SLC52A1: variants seen among roughly 807,000 people sequenced by gnomAD.
SLC52A1 encodes the protein solute carrier family 52, riboflavin transporter, member 1.
A neutral mutation model predicts 23.2 loss-of-function variants in SLC52A1; 20 were observed. The ratio of observed to expected loss-of-function variants is 0.86; its 90% CI spans 0.61 to 1.25. The LOEUF is 1.25. Among genes scored for constraint, SLC52A1 ranks in the 50% most tolerant of loss-of-function variants. SLC52A1 has a pLI of 0.00. For synonymous variants in SLC52A1, 260 were observed against 256.6 expected, an observed-to-expected ratio of 1.01 and a Z score of -0.13; for missense variants, 528 against 557.0, an observed-to-expected ratio of 0.95 and a Z score of 0.52.
chr17:5,036,157 G>T (rs1975451788), upstream of SLC52A1, among the ~76,000 whole-genome samples: 1 of 139,710 alleles, frequency 7.2e-6, no homozygotes, highest in Non-Finnish European at 1.5e-5. Context: ...TCAGCCTCCC[G>T]AGTAGCTGGA....
upstream of SLC52A1, among the ~76,000 whole-genome samples, chr17:5,038,830 C>T (rs1975509255): frequency 6.6e-6 from 1 of 152,078 alleles, no homozygotes; most frequent in Non-Finnish European, 1.5e-5. Flanking sequence ...CCTCGTGATC[C>T]GCCCACCTCG....
At chr17:5,038,901 T>G (rs2143452964), upstream of SLC52A1, among the ~76,000 whole-genome samples, 1 of 152,308 alleles carries the variant, frequency 6.6e-6, no homozygotes, top group South Asian at 2.1e-4. Context: ...CCAACACTTT[T>G]CTTGTTATAT....
At chr17:5,041,471 T>C (rs1364630971) in intron 1 of SLC52A1, among the ~76,000 whole-genome samples, 1 of 150,532 alleles carries the variant, frequency 6.6e-6, no homozygotes, top group Non-Finnish European at 1.5e-5. Flanking sequence ...TTCTTTGTTT[T>C]GTTTTATTTT....
Position 5,033,432 on chromosome 17 carries a change from AC to A in SLC52A1, c.1010+46del, listed in dbSNP as rs1210018407. 5 of 1,611,398 alleles carry A rather than the reference AC, an allele frequency of 3.1e-6. No homozygotes were observed. In the South Asian group the frequency reaches 3.3e-5, roughly 11 times the overall value. On this transcript the variant is annotated intron_variant, in intron 3 of 4. Coordinates refer to ENST00000254853, the MANE Select transcript of SLC52A1 (RefSeq NM_017986.4). ...CAGGGCTGGCTGTTCTGGGACCTGGACCCCAACCTTAAGTTCCACCCACCAA... is the reference window on the plus strand; with the variant it reads ...CAGGGCTGGCTGTTCTGGGACCTGGACCCAACCTTAAGTTCCACCCACCAA...
upstream of SLC52A1, among the ~76,000 whole-genome samples, chr17:5,036,512 C>T (rs963093315): frequency 1.2e-4 from 17 of 144,354 alleles, no homozygotes; most frequent in Admixed American, 2.1e-4. Context: ...TCCAGGTTCA[C>T]GCCATTCTCC....
At chr17:5,042,126 C>T (rs138934239) in intron 1 of SLC52A1, among the ~76,000 whole-genome samples, 3 of 152,286 alleles carry the variant, frequency 2.0e-5, no homozygotes, top group African/African-American at 7.2e-5. Context: ...ATTCTGAAGA[C>T]CTCACTGCAG....
chr17:5,032,972 G>T lies in SLC52A1; in HGVS notation c.1332C>A (p.Asp444Glu), dbSNP rs1009343280. The change falls in exon 5 of 5, where the codon GAC becomes GAA. Residue 444 changes from aspartate (D) to glutamate (E), a missense_variant. By Grantham distance (45) the Asp-to-Glu change is conservative. Coordinates refer to ENST00000254853, the MANE Select transcript of SLC52A1 (RefSeq NM_017986.4). Reference sequence around the variant, plus strand: ...CTGCCCAGGCTCAGGGGCCACAGGGGTCTACACAGTCCTTTCTGCTTTGAA... The same window carrying T: ...CTGCCCAGGCTCAGGGGCCACAGGGTTCTACACAGTCCTTTCTGCTTTGAA... ...HVFQSRKDCV[D>E]PCGP The T allele has an allele frequency of 1.9e-6, 3 of 1,613,458 alleles. No homozygotes were observed. Among genetic ancestry groups the T allele is most frequent in the African/African-American group, 2.7e-5 (2 of 74,856 alleles).
chr17:5,037,627 C>T (rs1975488087), upstream of SLC52A1, among the ~76,000 whole-genome samples: 1 of 152,188 alleles, frequency 6.6e-6, no homozygotes, highest in South Asian at 2.1e-4. Context: ...GCTATAAGGG[C>T]AGAGCTGAAT....
chr17:5,040,620 A>C (rs933544248), intron 1 of SLC52A1, among the ~76,000 whole-genome samples: 3 of 152,122 alleles, frequency 2.0e-5, no homozygotes, highest in Admixed American at 1.3e-4. Flanking sequence ...GTGCACGGGG[A>C]ATAACCAAGG....
At position 5,033,115 on chromosome 17, in the gene SLC52A1, T is replaced by A. The variant is rs1354788866; in HGVS notation, c.1189A>T (p.Ser397Cys). ...CVFSYVKVAA[S>C]SLLHGGGRPA... ...CGACCCCCACCATGCAGCAGGGAGC[T>A]TGCAGCCACCTTCACATATGAGAAC... The change falls in exon 5 of 5, where the codon AGC (serine) becomes TGC (cysteine). Residue 397 changes from serine to cysteine, a missense_variant. Transcript: ENST00000254853. The A allele has an allele frequency of 6.2e-7, 1 of 1,613,576 alleles. No individual in the cohort carries two copies. The highest frequency in any genetic ancestry group is 8.5e-7 in the Non-Finnish European group (1 of 1,180,008).
chr17:5,040,736 A>T (rs1975533111), intron 1 of SLC52A1, among the ~76,000 whole-genome samples: 1 of 151,988 alleles, frequency 6.6e-6, no homozygotes, highest in African/African-American at 2.4e-5. Context: ...CACAGCCCTA[A>T]GGCTGTTACT....
chr17:5,041,906 C>T (rs1342522576), intron 1 of SLC52A1, among the ~76,000 whole-genome samples: 1 of 152,098 alleles, frequency 6.6e-6, no homozygotes, highest in Admixed American at 6.6e-5. Context: ...GCCACCGCAC[C>T]CGGCCTATTT....
upstream of SLC52A1, among the ~76,000 whole-genome samples, chr17:5,039,031 G>T (rs1319897254): frequency 9.7e-6 from 1 of 103,370 alleles, no homozygotes; most frequent in Non-Finnish European, 1.9e-5. Context: ...GGCACATAAA[G>T]ATTCAGTCAG....
chr17:5,033,036 G>T lies in SLC52A1; in HGVS notation c.1268C>A (p.Ala423Asp). 1 of 1,613,628 alleles carries T rather than the reference G, an allele frequency of 6.2e-7. No homozygotes were observed. Among genetic ancestry groups the T allele is most frequent in the Non-Finnish European group, 8.5e-7 (1 of 1,180,012 alleles). ...GCTGGTGGGAGGGAACATGGCACCG[G>T]CACCAAGCAGGGAGCCCACTTGGAT... ...VAIQVGSLLGAGAMFPPTSIY... is the reference protein window; with the variant it reads ...VAIQVGSLLGDGAMFPPTSIY... The change falls in exon 5 of 5, where the codon GCC (alanine) becomes GAC (aspartate). Residue 423 changes from alanine (A) to aspartate (D), a missense_variant. Transcript: ENST00000254853.
chr17:5,037,625 G>GGCAGAGCTGAATGGTTTCC (rs1458373228), upstream of SLC52A1, among the ~76,000 whole-genome samples: 3 of 152,118 alleles, frequency 2.0e-5, 1 homozygote, highest in East Asian at 5.8e-4. Context: ...CTGCTATAAG[G>GGCAGAGCTGAATGGTTTCC]GCAGAGCTGA....
At chr17:5,036,446 C>T (rs569960565), upstream of SLC52A1, among the ~76,000 whole-genome samples, 621 of 108,772 alleles carry the variant, frequency 5.7e-3, 3 homozygotes, top group Middle Eastern at 0.011. Flanking sequence ...GAGTCTCGCT[C>T]TGTCGCCCAG....
At chr17:5,039,945 C>T (rs139678074), upstream of SLC52A1, among the ~76,000 whole-genome samples, 439 of 152,158 alleles carry the variant, frequency 2.9e-3, 2 homozygotes, top group African/African-American at 0.01. Flanking sequence ...CTAGAGAGGC[C>T]GCGACAGGAG....
rs754455143 is a variant in SLC52A1 at position 5,034,575 on chromosome 17, A to G, written c.32T>C (p.Leu11Pro). 3 of 1,614,250 alleles carry G rather than the reference A, an allele frequency of 1.9e-6. No individual in the cohort carries two copies. The highest frequency in any genetic ancestry group is 2.5e-6 in the Non-Finnish European group (3 of 1,180,042). MAAPTLGRLV[L>P]THLLVALFGM... is the part of the protein sequence containing the mutation. ...AAAAAGGGCCACCAGCAGGTGGGTC[A>G]GCACCAGACGGCCCAGCGTGGGTGC... The change falls in exon 2 of 5, where the codon CTG becomes CCG. Residue 11 changes from leucine to proline, a missense_variant. By Grantham distance (98) the Leu-to-Pro change is moderately conservative. Transcript: ENST00000254853.
At chr17:5,040,620 A>T (rs933544248) in intron 1 of SLC52A1, among the ~76,000 whole-genome samples, 2 of 152,122 alleles carry the variant, frequency 1.3e-5, no homozygotes, top group African/African-American at 4.8e-5. Flanking sequence ...GTGCACGGGG[A>T]ATAACCAAGG....
Sources: allele counts gnomAD v4.1 joint callset (sites outside exome capture counted in the v4.1 genomes callset), GRCh38; gene constraint gnomAD v4.1.1; transcripts MANE v1.5; gene names NCBI Gene and HGNC (gene_info 2026-07-23, HGNC 2026-07-21).